Variants in CDH12 observed in about 807,000 individuals in gnomAD.
CDH12 encodes the protein cadherin-12.
A neutral mutation model predicts 74.1 loss-of-function variants in CDH12; 41 were observed. The ratio of observed to expected loss-of-function variants is 0.55; its 90% CI spans 0.43 to 0.72. CDH12 has a LOEUF of 0.72. Among genes scored for constraint, CDH12 ranks in the 30% least tolerant of loss-of-function variants. The pLI is 0.00. For missense variants in CDH12, 945 were observed against 977.2 expected, an observed-to-expected ratio of 0.97 and a Z score of 0.44; for synonymous variants, 399 against 355.0, an observed-to-expected ratio of 1.12 and a Z score of -1.39.
chr5:22,724,942 G>A (rs1317543598), intron 1 of CDH12, among the ~76,000 whole-genome samples: 1 of 151,566 alleles, frequency 6.6e-6, no homozygotes, highest in Non-Finnish European at 1.5e-5. Context: ...TTTTCATCAG[G>A]AACCTATGAG....
intron 4 of CDH12, among the ~76,000 whole-genome samples, chr5:22,089,104 G>A (rs753227804): frequency 3.9e-5 from 6 of 152,134 alleles, no homozygotes; most frequent in African/African-American, 1.4e-4. Flanking sequence ...AATGTCATAT[G>A]TGGCCATGAT....
intron 7 of CDH12, among the ~76,000 whole-genome samples, chr5:21,847,369 A>C (rs1465690540): frequency 6.6e-6 from 1 of 152,114 alleles, no homozygotes; most frequent in Non-Finnish European, 1.5e-5. Context: ...TCTGTAACAA[A>C]TTACCACAAA....
intron 6 of CDH12, among the ~76,000 whole-genome samples, chr5:21,913,282 G>T (rs138706277): frequency 2.0e-5 from 3 of 152,052 alleles, no homozygotes; most frequent in African/African-American, 7.3e-5. Flanking sequence ...TTCATTTTAG[G>T]TTAGTTGTAT....
rs1749417191 is a variant in CDH12 at position 21,834,402 on chromosome 5, T to C, written c.814+7759A>G. 2.0e-5 allele frequency among the ~76,000 whole-genome samples: 3 copies of C among 151,896 alleles called. No homozygotes were observed. The South Asian group carries it at 6.2e-4, about 31-fold the overall frequency. ...TCTAAATAATCTAGATTAAAAATAT[T>C]AGTAATGTCCCAAATACTACTTTTG... On this transcript the variant is annotated intron_variant, in intron 8 of 14. Transcript: ENST00000382254.
intron 6 of CDH12, among the ~76,000 whole-genome samples, chr5:21,899,568 A>G (rs1753286961): frequency 1.3e-5 from 2 of 152,154 alleles, no homozygotes; most frequent in African/African-American, 4.8e-5. Context: ...TTACAATTTA[A>G]AAGGTATGAA....
intron 11 of CDH12, among the ~76,000 whole-genome samples, chr5:21,769,007 G>T (rs537032736): frequency 6.6e-6 from 1 of 152,052 alleles, no homozygotes; most frequent in Non-Finnish European, 1.5e-5. Context: ...ATACAAGGAA[G>T]AACAAAATGT....
chr5:22,643,494 T>C (rs1287022930), intron 1 of CDH12, among the ~76,000 whole-genome samples: 2 of 152,168 alleles, frequency 1.3e-5, no homozygotes, highest in African/African-American at 4.8e-5. Flanking sequence ...GATACTAATA[T>C]GTGAATATAC....
chr5:21,836,462 A>AAACACAC (rs1455235817), intron 8 of CDH12, among the ~76,000 whole-genome samples: 2 of 143,430 alleles, frequency 1.4e-5, no homozygotes, highest in African/African-American at 2.6e-5. Context: ...TAGAAAGGAA[A>AAACACAC]ACACACACAC....
At chr5:21,889,224 C>G (rs1332077897) in intron 6 of CDH12, among the ~76,000 whole-genome samples, 1 of 151,946 alleles carries the variant, frequency 6.6e-6, no homozygotes, top group Admixed American at 6.6e-5. Context: ...ATAATTTGAA[C>G]ATTAAAAATG....
intron 6 of CDH12, among the ~76,000 whole-genome samples, chr5:21,865,272 A>G (rs1190303983): frequency 6.6e-6 from 1 of 152,206 alleles, no homozygotes; most frequent in Non-Finnish European, 1.5e-5. Flanking sequence ...AAATTAAGGC[A>G]GAAAGTAAAA....
At chr5:22,395,061 C>T (rs1742400275) in intron 3 of CDH12, among the ~76,000 whole-genome samples, 1 of 152,100 alleles carries the variant, frequency 6.6e-6, no homozygotes, top group African/African-American at 2.4e-5. Flanking sequence ...TAAATGCTAA[C>T]TTATCTGGGA....
chr5:21,915,523 T>C (rs1356467453), intron 6 of CDH12, among the ~76,000 whole-genome samples: 3 of 152,218 alleles, frequency 2.0e-5, no homozygotes, highest in South Asian at 2.1e-4. Context: ...ATAAGATTGG[T>C]ACTGGAGAGT....
intron 1 of CDH12, among the ~76,000 whole-genome samples, chr5:22,528,476 T>C (rs1286766375): frequency 6.6e-6 from 1 of 152,116 alleles, no homozygotes; most frequent in Non-Finnish European, 1.5e-5. Flanking sequence ...TCAACTTGCA[T>C]TGTAATTCAG....
At chr5:21,756,504 A>T (rs113598007) in intron 13 of CDH12, among the ~76,000 whole-genome samples, 5,293 of 152,274 alleles carry the variant, frequency 0.035, 112 homozygotes, top group Middle Eastern at 0.072. Context: ...ATTCAAAAAC[A>T]ATAATGTTTA....
chr5:22,565,637 C>A (rs1739248840), intron 1 of CDH12, among the ~76,000 whole-genome samples: 1 of 151,988 alleles, frequency 6.6e-6, no homozygotes. Context: ...TTATTGTGTG[C>A]AAAATCCTCT....
At chr5:22,251,894 T>C (rs1753148489) in intron 3 of CDH12, among the ~76,000 whole-genome samples, 1 of 152,168 alleles carries the variant, frequency 6.6e-6, no homozygotes, top group Non-Finnish European at 1.5e-5. Flanking sequence ...GTGATTAAGA[T>C]ATTTTAAAAA....
intron 5 of CDH12, among the ~76,000 whole-genome samples, chr5:22,043,991 T>A (rs996139740): frequency 2.6e-5 from 4 of 151,884 alleles, no homozygotes; most frequent in Non-Finnish European, 5.9e-5. Context: ...AGAATCAATA[T>A]TGTTAAAATA....
At chr5:22,597,839 T>A (rs1332995403) in intron 1 of CDH12, among the ~76,000 whole-genome samples, 2 of 152,198 alleles carry the variant, frequency 1.3e-5, no homozygotes, top group Non-Finnish European at 2.9e-5. Flanking sequence ...GTGCAGGTAT[T>A]CAAGTAAATT....
chr5:22,334,819 C>G (rs1739504808), intron 3 of CDH12, among the ~76,000 whole-genome samples: 1 of 151,792 alleles, frequency 6.6e-6, no homozygotes, highest in South Asian at 2.1e-4. Context: ...GAAACTAGAC[C>G]CTTCTCTCAC....
Sources: gnomAD v4.1 joint callset for allele counts (sites outside exome capture counted in the v4.1 genomes callset) on GRCh38, gnomAD v4.1.1 for gene constraint, MANE v1.5 for transcripts, NCBI Gene and HGNC (gene_info 2026-07-23, HGNC 2026-07-21) for gene names.